Variants in TNKS1BP1 observed in about 807,000 individuals in gnomAD.
TNKS1BP1 encodes the protein 182 kDa tankyrase-1-binding protein.
In TNKS1BP1, 48 loss-of-function variants were observed where a neutral mutation model predicts 141.1. The ratio of observed to expected loss-of-function variants is 0.34; its 90% CI spans 0.27 to 0.43. The LOEUF (loss-of-function observed/expected upper bound fraction) is 0.43. Among genes scored for constraint, TNKS1BP1 ranks in the 20% least tolerant of loss-of-function variants. The probability of loss-of-function intolerance (pLI) is 1.00; values close to 1 mark genes in which losing one functional copy is unlikely to be tolerated. For missense variants in TNKS1BP1, 2,149 were observed against 2,226.0 expected, an observed-to-expected ratio of 0.97 and a Z score of 0.70; for synonymous variants, 875 against 898.2, an observed-to-expected ratio of 0.97 and a Z score of 0.46.
chr11:57,312,710 G>C lies in TNKS1BP1; in HGVS notation c.1978C>G (p.Gln660Glu), dbSNP rs199513432. 21 of 1,573,582 alleles carry C rather than the reference G, an allele frequency of 1.3e-5. 1 individual carries two copies. The East Asian group carries it at 4.3e-4, about 32-fold the overall frequency. The change falls in exon 5 of 12, where the codon CAA becomes GAA. Residue 660 changes from glutamine to glutamate, a missense_variant. Transcript: ENST00000358252. ...AVTLARAETT[Q>E]ARTEAQDLCR... ...AAGTCTTGAGCCTCTGTCCTGGCTT[G>C]GGTGGTCTCAGCCCGGGCTAGGGTC...
intron 1 of TNKS1BP1, among the ~76,000 whole-genome samples, chr11:57,322,704 G>GCC: frequency 6.6e-6 from 1 of 152,306 alleles, no homozygotes; most frequent in Non-Finnish European, 1.5e-5. Context: ...GGAAGGAGGA[G>GCC]CCGGCCCAGG....
chr11:57,300,861 T>C (rs1194541592), intron 10 of TNKS1BP1, 23 bp downstream of exon 10: 9 of 1,607,740 alleles, frequency 5.6e-6, no homozygotes, highest in Non-Finnish European at 7.7e-6. Flanking sequence ...GGTCAGCGGA[T>C]GCCCAGAGCT....
In TNKS1BP1 at chr11:57,302,574, C is replaced by T. The variant is rs1325084212; in HGVS notation, c.4568G>A (p.Gly1523Asp). ...GEASQTEDVD[G>D]TWGSSAARWS... is the part of the protein sequence containing the mutation. The stretch of plus-strand genomic sequence containing the variant: ...CCTGGCTGCTGAAGAGCCCCAGGTG[C>T]CATCCACGTCTTCTGTCTGGCTGGC... Residue 1523 changes from glycine to aspartate, a missense_variant, in exon 7 of 12, where the codon GGC (glycine) becomes GAC (aspartate). Gly to Asp is a moderately conservative substitution (Grantham distance 94, BLOSUM62 -1). Coordinates refer to ENST00000358252, the MANE Select transcript of TNKS1BP1 (RefSeq NM_033396.3). The surrounding 1 kb of genome is among the most constrained non-coding windows in gnomAD (Gnocchi z 5.5). The T allele has an allele frequency of 6.2e-7, 1 of 1,613,034 alleles. No homozygotes were observed. The highest frequency in any genetic ancestry group is 8.5e-7 in the Non-Finnish European group (1 of 1,179,904).
intron 4 of TNKS1BP1, among the ~76,000 whole-genome samples, chr11:57,316,124 T>C (rs765541507): frequency 3.3e-5 from 5 of 152,142 alleles, no homozygotes; most frequent in Non-Finnish European, 7.4e-5. Flanking sequence ...ACCTAACTAC[T>C]CTCGTCAAGG....
chr11:57,309,421 T>TG lies in TNKS1BP1; in HGVS notation c.3289dup (p.Gln1097ProfsTer7). 1.2e-6 allele frequency: 2 copies of TG among 1,614,138 alleles called. No individual in the cohort carries two copies. The highest frequency in any genetic ancestry group is 1.7e-6 in the Non-Finnish European group (2 of 1,180,034). ...CCCTGGGCTAAATGCTGCCTCTCGC[T>TG]GGGGGCCAACACTGAGGCTAAACTC... On this transcript the variant is annotated frameshift_variant, in exon 6 of 12. Transcript: ENST00000358252. LOFTEE classifies it high-confidence loss of function. The surrounding 1 kb of genome is among the most constrained non-coding windows in gnomAD (Gnocchi z 4.3).
In TNKS1BP1 at chr11:57,320,481, G is replaced by A. The variant is rs145280114; in HGVS notation, c.326C>T (p.Thr109Ile). 2.5e-6 allele frequency: 4 copies of A among 1,608,700 alleles called. No individual in the cohort carries two copies. The highest frequency in any genetic ancestry group is 1.3e-5 in the African/African-American group (1 of 74,806). ...FAPRPAVEAS[T>I]GGEATQETGK... ...AGTCTCTTGGGTGGCTTCTCCTCCA[G>A]TGGAGGCCTCAACCGCAGGCCTTGG... The change falls in exon 3 of 12, where the codon ACT becomes ATT. Residue 109 changes from threonine to isoleucine, a missense_variant. Physicochemically the swap from Thr to Ile is moderately conservative, Grantham distance 89. Coordinates refer to ENST00000358252, the MANE Select transcript of TNKS1BP1 (RefSeq NM_033396.3).
chr11:57,320,022 ATCC>A, intron 3 of TNKS1BP1, 54 bp downstream of exon 3: 263 of 1,118,350 alleles, frequency 2.4e-4, no homozygotes, highest in Non-Finnish European at 2.9e-4. Context: ...CCCCCACCCA[ATCC>A]CACCCCACCT....
chr11:57,305,171 A>G (rs1855590128), intron 6 of TNKS1BP1, among the ~76,000 whole-genome samples: 1 of 152,226 alleles, frequency 6.6e-6, no homozygotes, highest in South Asian at 2.1e-4. Context: ...CTGCCACTCC[A>G]GGACACAGCT....
Position 57,313,400 on chromosome 11 carries a change from C to T in TNKS1BP1, c.1288G>A (p.Glu430Lys). 1 of 1,612,240 alleles carries T rather than the reference C, an allele frequency of 6.2e-7. No homozygotes were observed. The highest frequency in any genetic ancestry group is 1.1e-5 in the South Asian group (1 of 90,898). The stretch of plus-strand genomic sequence containing the variant: ...TGACTGGGTGACTGGAGCACACCTT[C>T]AGAGAATCGGCGCTGAACCAGGCTG... Reference protein sequence around the residue: ...PTSLVQRRFSEGVLQSPSQDQ... With the variant: ...PTSLVQRRFSKGVLQSPSQDQ... Residue 430 changes from glutamate to lysine, a missense_variant, in exon 5 of 12, where the codon GAA becomes AAA. Coordinates refer to ENST00000358252, the MANE Select transcript of TNKS1BP1 (RefSeq NM_033396.3).
At position 57,318,515 on chromosome 11, in the gene TNKS1BP1, C is replaced by T. The variant is rs867815262; in HGVS notation, c.729-628G>A. ...GCCAGAGGGCAGGGCAGGGCAGGGACCCTCAGCTTCCCGCTTAGCCCAGAC... is the reference window on the plus strand; with the variant it reads ...GCCAGAGGGCAGGGCAGGGCAGGGATCCTCAGCTTCCCGCTTAGCCCAGAC... On this transcript the variant is annotated intron_variant, in intron 3 of 11. Transcript: ENST00000358252. Among the ~76,000 whole-genome samples, 18 of 152,326 alleles carry T rather than the reference C, an allele frequency of 1.2e-4. 1 individual carries two copies. The Middle Eastern group carries it at 0.014, about 115-fold the overall frequency.
Position 57,308,492 on chromosome 11 carries a change from G to A in TNKS1BP1, c.4219C>T (p.Pro1407Ser). The A allele has an allele frequency of 6.2e-7, 1 of 1,614,124 alleles. No homozygotes were observed. The highest frequency in any genetic ancestry group is 2.2e-5 in the East Asian group (1 of 44,874). Reference sequence around the variant, plus strand: ...GAGTAATCTTCACCCTGGGTCTCTGGCCCACTTGTCTCACCAACCCCCAGC... The same window carrying A: ...GAGTAATCTTCACCCTGGGTCTCTGACCCACTTGTCTCACCAACCCCCAGC... ...RELGVGETSG[P>S]ETQGEDYSSS... Residue 1407 changes from proline to serine, a missense_variant, in exon 6 of 12, where the codon CCA becomes TCA. Transcript: ENST00000358252.
intron 6 of TNKS1BP1, among the ~76,000 whole-genome samples, chr11:57,306,641 C>A (rs1855615396): frequency 6.6e-6 from 1 of 152,158 alleles, no homozygotes; most frequent in African/African-American, 2.4e-5. Flanking sequence ...CTGTTGCATA[C>A]AATGAGGCTC....
chr11:57,316,944 C>T (rs945890764), intron 4 of TNKS1BP1, among the ~76,000 whole-genome samples: 2 of 152,212 alleles, frequency 1.3e-5, no homozygotes, highest in South Asian at 2.1e-4. Flanking sequence ...CCCCCCAACC[C>T]GTTGGTCCTC....
chr11:57,313,657 G>A lies in TNKS1BP1; in HGVS notation c.1031C>T (p.Pro344Leu). ...VTPSAPSAAL[P>L]DEGSRHTPSP... ...GGGGGTGTGGCGGGAGCCCTCGTCA[G>A]GCAGGGCTGCACTTGGAGCTGATGG... The change falls in exon 5 of 12, where the codon CCT becomes CTT. Residue 344 changes from proline to leucine, a missense_variant. Pro to Leu is a moderately conservative substitution (Grantham distance 98). Transcript: ENST00000358252. 5 of 1,561,298 alleles carry A rather than the reference G, an allele frequency of 3.2e-6. No individual in the cohort carries two copies. The highest frequency in any genetic ancestry group is 4.3e-6 in the Non-Finnish European group (5 of 1,152,696).
chr11:57,309,277 C>T lies in TNKS1BP1; in HGVS notation c.3434G>A (p.Gly1145Asp). 1 of 1,614,198 alleles carries T rather than the reference C, an allele frequency of 6.2e-7. No homozygotes were observed. Among genetic ancestry groups the T allele is most frequent in the Non-Finnish European group, 8.5e-7 (1 of 1,180,044 alleles). ...CTTCCCAGGAGGCACAAAGTGACCA[C>T]CTTCCATCTTGCTAGAAGGGCTAAA... ...AGFSPSSKME[G>D]GHFVPPGKTT... is the part of the protein sequence containing the mutation. The change falls in exon 6 of 12, where the codon GGT becomes GAT. Residue 1145 changes from glycine (G) to aspartate (D), a missense_variant. Transcript: ENST00000358252. This position sits in a 1 kb window ranked among gnomAD's most constrained non-coding sequence, Gnocchi z 4.3.
chr11:57,302,742 G>C lies in TNKS1BP1; in HGVS notation c.4400C>G (p.Ala1467Gly). 6.3e-7 allele frequency: 1 copy of C among 1,584,448 alleles called. No individual in the cohort carries two copies. Among genetic ancestry groups the C allele is most frequent in the Non-Finnish European group, 8.6e-7 (1 of 1,169,516 alleles). ...GGCCGCTGACTCCCTCCGAGCCACCGCCTTGGAGCTGCTGGCTGCCAGCAT... is the reference window on the plus strand; with the variant it reads ...GGCCGCTGACTCCCTCCGAGCCACCCCCTTGGAGCTGCTGGCTGCCAGCAT... ...EEMLAASSSKAVARRESAASG... is the reference protein window; with the variant it reads ...EEMLAASSSKGVARRESAASG... The change falls in exon 7 of 12, where the codon GCG becomes GGG. Residue 1467 changes from alanine (A) to glycine (G), a missense_variant. Ala to Gly is a moderately conservative substitution (Grantham distance 60). Coordinates refer to ENST00000358252, the MANE Select transcript of TNKS1BP1 (RefSeq NM_033396.3). The surrounding 1 kb of genome is among the most constrained non-coding windows in gnomAD (Gnocchi z 5.5).
chr11:57,319,961 C>T (rs1227829403), intron 3 of TNKS1BP1, 118 bp downstream of exon 3: 22 of 1,385,998 alleles, frequency 1.6e-5, no homozygotes, highest in Non-Finnish European at 2.1e-5. Flanking sequence ...ACACAACCAA[C>T]CTACAGGTAA....
At chr11:57,311,480 C>T (rs3935069) in intron 5 of TNKS1BP1, 515,746 of 985,748 alleles carry the variant, frequency 0.52, 140,014 homozygotes, top group East Asian at 0.7. Context: ...CTGGCTCTCC[C>T]TCACCCTGGC....
rs770694847 is a variant in TNKS1BP1, at chr11:57,309,746, C to T, written c.2965G>A (p.Glu989Lys). Residue 989 changes from glutamate (E) to lysine (K), a missense_variant, in exon 6 of 12, where the codon GAG becomes AAG. Transcript: ENST00000358252. This position sits in a 1 kb window ranked among gnomAD's most constrained non-coding sequence, Gnocchi z 4.3. ...TRPLSSGFSP[E>K]EAQQQDEEFE... Reference sequence around the variant, plus strand: ...TCCTCATCCTGTTGCTGGGCTTCCTCGGGGCTGAACCCAGAGCTCAGGGGT... The same window carrying T: ...TCCTCATCCTGTTGCTGGGCTTCCTTGGGGCTGAACCCAGAGCTCAGGGGT... 6.2e-6 allele frequency: 10 copies of T among 1,614,198 alleles called. No homozygotes were observed. Among genetic ancestry groups the T allele is most frequent in the South Asian group, 2.2e-5 (2 of 91,068 alleles).
Sources: allele counts gnomAD v4.1 joint callset (sites outside exome capture counted in the v4.1 genomes callset), GRCh38; gene constraint gnomAD v4.1.1; non-coding constraint Gnocchi (gnomAD v3.1); transcripts MANE v1.5; gene names NCBI Gene and HGNC (gene_info 2026-07-23, HGNC 2026-07-21).